The following PYM1 variants were observed in gnomAD, a reference collection of about 807,000 sequenced individuals.
PYM1 encodes PYM1 exon junction complex associated factor.
In PYM1, 7 loss-of-function variants were observed where a neutral mutation model predicts 20.7. The ratio of observed to expected loss-of-function variants is 0.34; its 90% CI spans 0.19 to 0.64. The LOEUF (loss-of-function observed/expected upper bound fraction) is 0.64, where lower values mean the gene tolerates loss of function less well. Ranked by LOEUF, PYM1 falls within the 30% of genes least tolerant of loss-of-function variation. The probability of loss-of-function intolerance (pLI) is 0.74; values close to 1 mark genes in which losing one functional copy is unlikely to be tolerated. For synonymous variants in PYM1, 100 were observed against 99.2 expected, an observed-to-expected ratio of 1.01 and a Z score of -0.05; for missense variants, 194 against 250.0, an observed-to-expected ratio of 0.78 and a Z score of 1.51.
At chr12:55,920,380 T>G (rs900715718) in intron 1 of PYM1, among the ~76,000 whole-genome samples, 6 of 152,086 alleles carry the variant, frequency 3.9e-5, no homozygotes, top group Non-Finnish European at 7.4e-5. Flanking sequence ...GGCTCATGCC[T>G]GTAATTCTAG....
intron 1 of PYM1, chr12:55,927,404 C>T: frequency 2.8e-6 from 2 of 712,662 alleles, no homozygotes; most frequent in Non-Finnish European, 5.1e-6. Context: ...CCCAGGAACT[C>T]CTCGTACGTC....
chr12:55,923,675 C>T (rs1191145203), intron 1 of PYM1, among the ~76,000 whole-genome samples: 1 of 151,726 alleles, frequency 6.6e-6, no homozygotes, highest in Non-Finnish European at 1.5e-5. Flanking sequence ...CGTAAGATGA[C>T]AGTAATGGGG....
chr12:55,922,445 C>CAAAA (rs56355933), intron 1 of PYM1, among the ~76,000 whole-genome samples: 2,531 of 85,286 alleles, frequency 0.03, 82 homozygotes, highest in Admixed American at 0.077. Flanking sequence ...CCATCTTTAC[C>CAAAA]AAAAAAAAAA....
chr12:55,917,419 T>A (rs1883026530), intron 1 of PYM1, among the ~76,000 whole-genome samples: 1 of 149,422 alleles, frequency 6.7e-6, no homozygotes, highest in South Asian at 2.1e-4. Flanking sequence ...AGACTCCATC[T>A]CAAAACAAAA....
chr12:55,903,961 G>GT (rs1434591838), intron 1 of PYM1, among the ~76,000 whole-genome samples: 4 of 151,916 alleles, frequency 2.6e-5, no homozygotes. Flanking sequence ...AGGGTATTTG[G>GT]TTTTTGTTTC....
intron 1 of PYM1, among the ~76,000 whole-genome samples, chr12:55,916,922 G>A (rs1883017871): frequency 6.6e-6 from 1 of 151,672 alleles, no homozygotes; most frequent in Non-Finnish European, 1.5e-5. Flanking sequence ...ACCAGCCTGG[G>A]CAACATGGTG....
chr12:55,926,603 G>A (rs1427806765), intron 1 of PYM1, among the ~76,000 whole-genome samples: 1 of 152,082 alleles, frequency 6.6e-6, no homozygotes, highest in African/African-American at 2.4e-5. Flanking sequence ...TACGGGAGAG[G>A]AAAAGGTACT....
At chr12:55,906,086 A>G (rs1882811418) in intron 1 of PYM1, among the ~76,000 whole-genome samples, 1 of 148,550 alleles carries the variant, frequency 6.7e-6, no homozygotes. Context: ...CTTCACTTTC[A>G]CTTCCTTCAT....
intron 1 of PYM1, among the ~76,000 whole-genome samples, chr12:55,915,559 T>TAA (rs568756685): frequency 5.3e-4 from 64 of 121,056 alleles, no homozygotes; most frequent in East Asian, 2.1e-3. Context: ...AGTTTATCTT[T>TAA]AAAAAAAAAA....
intron 1 of PYM1, among the ~76,000 whole-genome samples, chr12:55,908,725 G>A (rs930622782): frequency 7.9e-5 from 12 of 151,586 alleles, no homozygotes; most frequent in African/African-American, 2.7e-4. Flanking sequence ...GTGGCTGGGC[G>A]TCTGTAATCC....
At chr12:55,914,482 T>C in intron 1 of PYM1, 1 of 635,016 alleles carries the variant, frequency 1.6e-6, no homozygotes, top group South Asian at 1.8e-5. Context: ...TTTGTCATTT[T>C]CTCACATCTG....
intron 1 of PYM1, among the ~76,000 whole-genome samples, chr12:55,915,490 C>T (rs1220823028): frequency 6.7e-6 from 1 of 150,294 alleles, no homozygotes; most frequent in Middle Eastern, 3.2e-3. Flanking sequence ...ATCACTTGAT[C>T]CTGGGAGGCA....
chr12:55,913,944 G>A, intron 1 of PYM1: 1 of 189,332 alleles, frequency 5.3e-6, no homozygotes, highest in Non-Finnish European at 1.1e-5. Context: ...ACATTCTAGT[G>A]AGAAAGATAA....
chr12:55,920,660 GA>G (rs983130983), intron 1 of PYM1, among the ~76,000 whole-genome samples: 1 of 149,526 alleles, frequency 6.7e-6, no homozygotes, highest in African/African-American at 2.4e-5. Flanking sequence ...GAAAAAAAAA[GA>G]AAAAGAAAAT....
At chr12:55,904,876 C>G (rs1882765012) in intron 1 of PYM1, among the ~76,000 whole-genome samples, 1 of 151,890 alleles carries the variant, frequency 6.6e-6, no homozygotes, top group South Asian at 2.1e-4. Flanking sequence ...TCAAGATACA[C>G]TAAGTGAAAA....
In PYM1 at chr12:55,902,194, C is replaced by T. The variant is rs752072509; in HGVS notation, c.293G>A (p.Arg98Gln). ...KRNLKRKEKR[R>Q]QQQEKGEAEA... ...TGCCTCTCCTTTCTCTTGCTGCTGC[C>T]GCCTCTTCTCCTTTCGCTTCAGGTT... The change falls in exon 3 of 3, where the codon CGG (arginine) becomes CAG (glutamine). Residue 98 changes from arginine (R) to glutamine (Q), a missense_variant. Physicochemically the swap from Arg to Gln is conservative, Grantham distance 43. Coordinates refer to ENST00000408946, the MANE Select transcript of PYM1 (RefSeq NM_032345.3). 4 of 1,613,972 alleles carry T rather than the reference C, an allele frequency of 2.5e-6. No individual in the cohort carries two copies. The highest frequency in any genetic ancestry group is 1.3e-5 in the African/African-American group (1 of 74,882).
At chr12:55,917,010 G>T (rs1883019459) in intron 1 of PYM1, among the ~76,000 whole-genome samples, 1 of 151,968 alleles carries the variant, frequency 6.6e-6, no homozygotes, top group African/African-American at 2.4e-5. Flanking sequence ...GCTAAGCTGG[G>T]AGGATCACTT....
At chr12:55,909,656 G>T (rs887936698) in intron 1 of PYM1, among the ~76,000 whole-genome samples, 1 of 151,650 alleles carries the variant, frequency 6.6e-6, no homozygotes, top group African/African-American at 2.4e-5. Context: ...GGCATGAAGG[G>T]ACAGAATTGG....
In PYM1 at chr12:55,927,856, G is replaced by A. The variant is rs568414175; in HGVS notation, c.-95C>T. 7.5e-6 allele frequency: 11 copies of A among 1,462,608 alleles called. No individual in the cohort carries two copies. The highest frequency in any genetic ancestry group is 5.0e-5 in the East Asian group (2 of 39,870). 90.6% of individuals were successfully genotyped at this position (1,462,608 alleles called of 1,614,324 possible). On this transcript the variant is annotated 5_prime_UTR_variant, in exon 1 of 3. Coordinates refer to ENST00000408946, the MANE Select transcript of PYM1 (RefSeq NM_032345.3). ...GGGATTCGGCGGCGAAGTGATGAGG[G>A]CCCTAGTTGCTTCTCGCCCAGACCT...
Sources: gnomAD v4.1 joint callset for allele counts (sites outside exome capture counted in the v4.1 genomes callset) on GRCh38, gnomAD v4.1.1 for gene constraint, MANE v1.5 for transcripts, NCBI Gene and HGNC (gene_info 2026-07-23, HGNC 2026-07-21) for gene names.